The following CTNND2 variants were observed in gnomAD, a reference collection of about 807,000 sequenced individuals.
CTNND2 encodes catenin delta 2, also known as catenin delta-2.
Under a neutral mutation model 144.4 loss-of-function variants are expected in CTNND2, and 22 were observed. The observed-to-expected ratio is 0.15, with a 90% confidence interval of 0.11 to 0.22. The LOEUF (loss-of-function observed/expected upper bound fraction) is 0.22, where lower values mean the gene tolerates loss of function less well. Among genes scored for constraint, CTNND2 ranks in the 10% least tolerant of loss-of-function variants. The pLI, the probability that CTNND2 is intolerant of heterozygous loss-of-function variation, is 1.00. For synonymous variants in CTNND2, 751 were observed against 695.6 expected, an observed-to-expected ratio of 1.08 and a Z score of -1.25; for missense variants, 1,353 against 1,618.8, an observed-to-expected ratio of 0.84 and a Z score of 2.82.
At chr5:11,240,695 A>C (rs1742284674) in intron 9 of CTNND2, among the ~76,000 whole-genome samples, 3 of 144,648 alleles carry the variant, frequency 2.1e-5, no homozygotes. Context: ...ATGCACACAG[A>C]CACCCAACAC....
At chr5:11,857,356 C>T (rs371746207) in intron 1 of CTNND2, among the ~76,000 whole-genome samples, 34 of 152,258 alleles carry the variant, frequency 2.2e-4, no homozygotes, top group African/African-American at 8.2e-4. Context: ...GAGGCAGGAA[C>T]AAGCCTTGTT....
chr5:10,981,702 G>T, intron 21 of CTNND2, 71 bp downstream of exon 21: 1 of 1,418,980 alleles, frequency 7.0e-7, no homozygotes, highest in Non-Finnish European at 9.9e-7. Context: ...GAAAGTTTAT[G>T]TTTAAAATTC....
chr5:11,279,112 G>A (rs1424794817), intron 9 of CTNND2, among the ~76,000 whole-genome samples: 1 of 152,044 alleles, frequency 6.6e-6, no homozygotes, highest in Non-Finnish European at 1.5e-5. Context: ...GGCATCCATG[G>A]GACTGTCTTG....
At chr5:11,756,138 A>G (rs1020313459) in intron 1 of CTNND2, among the ~76,000 whole-genome samples, 1 of 151,726 alleles carries the variant, frequency 6.6e-6, no homozygotes, top group Non-Finnish European at 1.5e-5. Flanking sequence ...GATTTAACAT[A>G]AAATTCGGAA....
chr5:11,088,199 G>A (rs1371505456), intron 15 of CTNND2, among the ~76,000 whole-genome samples: 3 of 152,196 alleles, frequency 2.0e-5, no homozygotes, highest in Non-Finnish European at 4.4e-5. Context: ...GATAGACAGT[G>A]CATGGTATGA....
chr5:11,189,753 G>A lies in CTNND2; in HGVS notation c.1975+9695C>T, dbSNP rs147969247. Reference sequence around the variant, plus strand: ...TGTCAGCACCCCTAACTCTTGGGTCGTTCAAGGGTTAACTATAGTAGGCAC... The same window carrying A: ...TGTCAGCACCCCTAACTCTTGGGTCATTCAAGGGTTAACTATAGTAGGCAC... On this transcript the variant is annotated intron_variant, in intron 11 of 21. Transcript: ENST00000304623. Among the ~76,000 whole-genome samples the A allele has an allele frequency of 9.7e-4, 147 of 152,250 alleles. 1 individual carries two copies. The highest frequency in any genetic ancestry group is 3.1e-3 in the African/African-American group (128 of 41,544).
At chr5:11,794,627 C>T (rs977108081) in intron 1 of CTNND2, among the ~76,000 whole-genome samples, 3 of 152,164 alleles carry the variant, frequency 2.0e-5, no homozygotes, top group East Asian at 3.9e-4. Context: ...ACAAGGAATG[C>T]TGAGTTTTCA....
chr5:11,447,185 T>C (rs1453156992), intron 3 of CTNND2, among the ~76,000 whole-genome samples: 2 of 151,696 alleles, frequency 1.3e-5, no homozygotes, highest in African/African-American at 2.4e-5. Flanking sequence ...CTCTACAAAA[T>C]ACAAAAATTA....
chr5:11,535,816 A>G (rs1774163056), intron 3 of CTNND2, among the ~76,000 whole-genome samples: 1 of 152,204 alleles, frequency 6.6e-6, no homozygotes, highest in Non-Finnish European at 1.5e-5. Flanking sequence ...CTAAGTTTAA[A>G]TTCCAGATCT....
chr5:11,640,927 A>G (rs2561598), intron 2 of CTNND2, among the ~76,000 whole-genome samples: 59,717 of 151,942 alleles, frequency 0.39, 13,284 homozygotes, highest in African/African-American at 0.6. Flanking sequence ...GGCATTAGGA[A>G]CATACTCTAA....
At chr5:11,318,617 T>A (rs1348709454) in intron 9 of CTNND2, among the ~76,000 whole-genome samples, 3 of 152,162 alleles carry the variant, frequency 2.0e-5, no homozygotes, top group African/African-American at 7.2e-5. Context: ...ACTGGATTTG[T>A]TCTCATCTAC....
chr5:11,903,863 G>A lies in CTNND2; in HGVS notation c.-10C>T, dbSNP rs1479549857. 1 of 1,477,102 alleles carries A rather than the reference G, an allele frequency of 6.8e-7. No individual in the cohort carries two copies. The highest frequency in any genetic ancestry group is 8.9e-7 in the Non-Finnish European group (1 of 1,119,556). 91.5% of individuals were successfully genotyped at this position (1,477,102 alleles called of 1,614,324 possible). A position where few individuals can be genotyped will look rare whatever the true frequency, so the allele number is the denominator to read the frequency against. The stretch of plus-strand genomic sequence containing the variant: ...GCTTCCTCGCAAACATGCACCCTCC[G>A]CCGGCGACAGCTCCTCAGTCCGGGA... On this transcript the variant is annotated 5_prime_UTR_variant, in exon 1 of 22. Coordinates refer to ENST00000304623, the MANE Select transcript of CTNND2 (RefSeq NM_001332.4). This position sits in a 1 kb window ranked among gnomAD's most constrained non-coding sequence, Gnocchi z 5.4.
intron 3 of CTNND2, among the ~76,000 whole-genome samples, chr5:11,489,827 C>A (rs955788177): frequency 6.6e-6 from 1 of 152,190 alleles, no homozygotes; most frequent in Non-Finnish European, 1.5e-5. Context: ...CATCGGCAGG[C>A]ACAGCTGTGT....
At chr5:11,269,249 C>G (rs755563461) in intron 9 of CTNND2, among the ~76,000 whole-genome samples, 1 of 152,180 alleles carries the variant, frequency 6.6e-6, no homozygotes, top group Non-Finnish European at 1.5e-5. Context: ...CAGCGCTTAC[C>G]CCAAGCTAGT....
At chr5:11,090,769 A>G (rs1750686832) in intron 15 of CTNND2, among the ~76,000 whole-genome samples, 1 of 152,010 alleles carries the variant, frequency 6.6e-6, no homozygotes, top group African/African-American at 2.4e-5. Flanking sequence ...AGTCAATTTA[A>G]TATATGATTG....
chr5:11,554,020 A>G (rs1019279036), intron 3 of CTNND2, among the ~76,000 whole-genome samples: 1 of 152,212 alleles, frequency 6.6e-6, no homozygotes, highest in Admixed American at 6.5e-5. Flanking sequence ...AACCTTTCTA[A>G]GGCCCTACAT....
At chr5:11,086,193 A>C (rs1424479197) in intron 15 of CTNND2, among the ~76,000 whole-genome samples, 16 of 152,154 alleles carry the variant, frequency 1.1e-4, no homozygotes, top group Admixed American at 1.0e-3. Flanking sequence ...CTCTGGATTA[A>C]GGAGAGGAGG....
At position 11,884,201 on chromosome 5, in the gene CTNND2, T is replaced by C. The variant is rs544495599; in HGVS notation, c.37+19616A>G. 3.3e-5 allele frequency among the ~76,000 whole-genome samples: 5 copies of C among 152,326 alleles called. No homozygotes were observed. In the South Asian group the frequency reaches 6.2e-4, roughly 19 times the overall value. The stretch of plus-strand genomic sequence containing the variant: ...TTTAATTAGATCCCATTTGTCAATT[T>C]TGGCTTTTGTTGGCATTGCTTTTGG... On this transcript the variant is annotated intron_variant, in intron 1 of 21. Transcript: ENST00000304623.
chr5:11,310,920 C>T (rs984724344), intron 9 of CTNND2, among the ~76,000 whole-genome samples: 3 of 148,566 alleles, frequency 2.0e-5, no homozygotes, highest in African/African-American at 5.0e-5. Flanking sequence ...ACTCCCCATA[C>T]ACCCTCACCC....
Sources: gnomAD v4.1 joint callset for allele counts (sites outside exome capture counted in the v4.1 genomes callset) on GRCh38, gnomAD v4.1.1 for gene constraint, Gnocchi (gnomAD v3.1) non-coding constraint, MANE v1.5 for transcripts, NCBI Gene and HGNC (gene_info 2026-07-23, HGNC 2026-07-21) for gene names.